Variants in EPHA5 observed in about 807,000 individuals in gnomAD.
EPHA5 encodes EPH receptor A5, also known as ephrin type-A receptor 5.
EPHA5 carries 60 observed loss-of-function variants against 105.0 expected under a neutral mutation model. That is an observed-to-expected ratio of 0.57 (90% CI 0.46 to 0.71). The LOEUF (loss-of-function observed/expected upper bound fraction) is 0.71. Among genes scored for constraint, EPHA5 ranks in the 30% least tolerant of loss-of-function variants. The pLI is 0.00. For synonymous variants in EPHA5, 513 were observed against 449.1 expected (o/e 1.14, Z -1.80); for missense variants, 1,218 against 1,274.7 (o/e 0.96, Z 0.68).
At chr4:65,665,623 CAAT>C (rs1310616562) in intron 1 of EPHA5, among the ~76,000 whole-genome samples, 2 of 151,986 alleles carry the variant, frequency 1.3e-5, no homozygotes, top group African/African-American at 2.4e-5. Flanking sequence ...TTCCAGATGA[CAAT>C]ATTACAAGAA....
intron 2 of EPHA5, among the ~76,000 whole-genome samples, chr4:65,608,947 C>A (rs529519057): frequency 6.6e-6 from 1 of 151,944 alleles, no homozygotes; most frequent in African/African-American, 2.4e-5. Flanking sequence ...TTTTAATGAA[C>A]GAAAGATTCA....
intron 2 of EPHA5, 102 bp from the exon 3 acceptor site, chr4:65,602,406 T>C: frequency 1.2e-6 from 1 of 860,386 alleles, no homozygotes; most frequent in Non-Finnish European, 1.7e-6. Context: ...GATATAGAAA[T>C]ATTCGTATCC....
At chr4:65,494,705 T>C (rs1247342259) in intron 4 of EPHA5, among the ~76,000 whole-genome samples, 1 of 152,194 alleles carries the variant, frequency 6.6e-6, no homozygotes, top group Non-Finnish European at 1.5e-5. Flanking sequence ...ATATATTAAA[T>C]AATAGTTAAG....
chr4:65,609,112 C>T (rs1475937692), intron 2 of EPHA5, among the ~76,000 whole-genome samples: 1 of 152,038 alleles, frequency 6.6e-6, no homozygotes, highest in Non-Finnish European at 1.5e-5. Context: ...TCTATTTTTA[C>T]ATATAACAAC....
chr4:65,466,607 A>T (rs1728742796), intron 5 of EPHA5, among the ~76,000 whole-genome samples: 1 of 152,210 alleles, frequency 6.6e-6, no homozygotes, highest in Non-Finnish European at 1.5e-5. Flanking sequence ...GTTATGACAT[A>T]ATGGTGGTTT....
In EPHA5 at chr4:65,322,928, G is replaced by A. The variant is rs956927366; in HGVS notation, c.*1186C>T. On this transcript the variant is annotated 3_prime_UTR_variant, in exon 17 of 17. Transcript: ENST00000613740. ...GAGTCAAAATGGGAATGGTTACAAC[G>A]GATTAACACTTAAGGGTGATGCTTC... 20 of 228,718 alleles carry A rather than the reference G, an allele frequency of 8.7e-5. No homozygotes were observed. The highest frequency in any genetic ancestry group is 1.3e-3 in the Middle Eastern group (1 of 792). The allele number at this position is 228,718 out of a possible 1,614,324, so 14.2% of individuals were successfully genotyped here.
At chr4:65,341,031 G>C (rs1721662418) in intron 14 of EPHA5, among the ~76,000 whole-genome samples, 1 of 151,992 alleles carries the variant, frequency 6.6e-6, no homozygotes, top group African/African-American at 2.4e-5. Context: ...CTGTGTCACA[G>C]TCTGACATCT....
Position 65,574,368 on chromosome 4 carries a change from AAAAT to A in EPHA5, c.910+27269_910+27272del, listed in dbSNP as rs1245085560. 3 of 922,512 alleles carry A rather than the reference AAAAT, an allele frequency of 3.3e-6. No individual in the cohort carries two copies. In the African/African-American group the frequency reaches 5.2e-5, roughly 16 times the overall value. 57.1% of individuals were successfully genotyped at this position (922,512 alleles called of 1,614,324 possible). ...TAATTAAATAGCTGACTACAAAAAA[AAAAT>A]AATAATAATAAAAAATAAAAAAATA... On this transcript the variant is annotated intron_variant, in intron 3 of 16. Transcript: ENST00000613740.
intron 8 of EPHA5, among the ~76,000 whole-genome samples, chr4:65,391,906 C>T (rs1242693595): frequency 1.3e-5 from 2 of 152,076 alleles, no homozygotes; most frequent in South Asian, 2.1e-4. Flanking sequence ...GTGATATTAA[C>T]TTGTTGTTTC....
At chr4:65,521,484 C>G (rs551938058) in intron 3 of EPHA5, among the ~76,000 whole-genome samples, 2 of 151,918 alleles carry the variant, frequency 1.3e-5, no homozygotes, top group East Asian at 3.9e-4. Flanking sequence ...GTAACAAACC[C>G]TCACATTGTC....
In EPHA5 at chr4:65,612,046, A is replaced by G. The variant is rs868365497; in HGVS notation, c.247-9742T>C. ...AAAAAAAAAAAAAAAAAAAGGAAAG[A>G]AAAGAAAAGAAAAGAAAAGAAAAGA... On this transcript the variant is annotated intron_variant, in intron 2 of 16. Transcript: ENST00000613740. Among the ~76,000 whole-genome samples, 939 of 113,190 alleles carry G rather than the reference A, an allele frequency of 8.3e-3. 7 individuals carry two copies. Among genetic ancestry groups the G allele is most frequent in the African/African-American group, 0.021 (649 of 30,508 alleles). The allele number at this position is 113,190 out of a possible 152,430, so 74.3% of individuals were successfully genotyped here.
At chr4:65,544,560 TA>T (rs1737186149) in intron 3 of EPHA5, among the ~76,000 whole-genome samples, 1 of 151,916 alleles carries the variant, frequency 6.6e-6, no homozygotes, top group Non-Finnish European at 1.5e-5. Flanking sequence ...TGGCAATTAT[TA>T]AAAAGTCAAG....
chr4:65,591,904 C>A (rs1009830446), intron 3 of EPHA5, among the ~76,000 whole-genome samples: 1 of 151,940 alleles, frequency 6.6e-6, no homozygotes. Flanking sequence ...TTAAATGAAA[C>A]GTATCTTTTA....
At chr4:65,615,281 A>AT (rs1745132897) in intron 2 of EPHA5, among the ~76,000 whole-genome samples, 1 of 151,764 alleles carries the variant, frequency 6.6e-6, no homozygotes, top group Non-Finnish European at 1.5e-5. Flanking sequence ...TGATTTAAAA[A>AT]CTTAGGTAGA....
In EPHA5 at chr4:65,490,411, C is replaced by A. The variant is rs2149212185; in HGVS notation, c.1368G>T (p.Gln456His). ...TTGTGGTTACATTTACAGACACATACTGCCGGGCTCCTGGGCTCAAGTCGG... is the reference window on the plus strand; with the variant it reads ...TTGTGGTTACATTTACAGACACATAATGCCGGGCTCCTGGGCTCAAGTCGG... ...GVSDLSPGAR[Q>H]YVSVNVTTNQ... The change falls in exon 5 of 17, where the codon CAG (glutamine) becomes CAT (histidine). Residue 456 changes from glutamine (Q) to histidine (H), a missense_variant. Physicochemically the swap from Gln to His is conservative, Grantham distance 24 (BLOSUM62 0). Coordinates refer to ENST00000613740, the MANE Select transcript of EPHA5 (RefSeq NM_001281766.3). 1.2e-6 allele frequency: 2 copies of A among 1,614,124 alleles called. No individual in the cohort carries two copies. Among genetic ancestry groups the A allele is most frequent in the Non-Finnish European group, 1.7e-6 (2 of 1,180,002 alleles).
chr4:65,538,639 C>T (rs753591665), intron 3 of EPHA5, among the ~76,000 whole-genome samples: 2 of 151,500 alleles, frequency 1.3e-5, no homozygotes, highest in African/African-American at 2.4e-5. Context: ...ACAAGTGACT[C>T]CTAGATGTAG....
chr4:65,324,286 G>T, intron 16 of EPHA5, 67 bp from the exon 17 acceptor site: 4 of 1,043,448 alleles, frequency 3.8e-6, no homozygotes, highest in South Asian at 1.4e-5. Flanking sequence ...ATTTCATGTT[G>T]GCAAAGGGGC....
At chr4:65,566,697 T>C (rs1247067357) in intron 3 of EPHA5, among the ~76,000 whole-genome samples, 2 of 151,796 alleles carry the variant, frequency 1.3e-5, no homozygotes, top group Non-Finnish European at 3.0e-5. Context: ...TGCCTCTTCC[T>C]GTCAGTTGTA....
intron 8 of EPHA5, among the ~76,000 whole-genome samples, chr4:65,390,215 T>G (rs1341653594): frequency 1.3e-5 from 2 of 151,954 alleles, no homozygotes; most frequent in African/African-American, 4.8e-5. Flanking sequence ...AACTAACCAA[T>G]CTGGAGCAAT....
Sources: gnomAD v4.1 joint callset for allele counts (sites outside exome capture counted in the v4.1 genomes callset) on GRCh38, gnomAD v4.1.1 for gene constraint, MANE v1.5 for transcripts, NCBI Gene and HGNC (gene_info 2026-07-23, HGNC 2026-07-21) for gene names.